Variants in DCDC2 observed in about 807,000 individuals in gnomAD.
The protein encoded by DCDC2 is doublecortin domain containing 2.
In DCDC2, 40 loss-of-function variants were observed where a neutral mutation model predicts 50.2. That is an observed-to-expected ratio of 0.80 (90% CI 0.62 to 1.04). DCDC2 has a LOEUF of 1.04. Ranked by LOEUF, DCDC2 falls within the 50% of genes least tolerant of loss-of-function variation. The probability of loss-of-function intolerance (pLI) is 0.00; values close to 1 mark genes in which losing one functional copy is unlikely to be tolerated. For synonymous variants in DCDC2, 234 were observed against 210.6 expected (o/e 1.11, Z -0.96); for missense variants, 570 against 581.9 (o/e 0.98, Z 0.21).
intron 7 of DCDC2, among the ~76,000 whole-genome samples, chr6:24,224,942 T>G (rs12190202): frequency 0.12 from 18,621 of 152,228 alleles, 1,278 homozygotes; most frequent in African/African-American, 0.17. Context: ...CTTTATATCC[T>G]TAGCATCTAA....
intron 2 of DCDC2, among the ~76,000 whole-genome samples, chr6:24,311,364 T>C (rs1222247110): frequency 6.6e-6 from 1 of 152,240 alleles, no homozygotes; most frequent in African/African-American, 2.4e-5. Context: ...CATATTTATT[T>C]GTTTTCTTAG....
At chr6:24,357,320 T>G (rs1245072712) in intron 1 of DCDC2, 138 bp downstream of exon 1, 2 of 1,029,144 alleles carry the variant, frequency 1.9e-6, no homozygotes, top group Admixed American at 5.9e-5. Flanking sequence ...AACGAGAGTT[T>G]TGAGGGGCAT....
intron 7 of DCDC2, among the ~76,000 whole-genome samples, chr6:24,218,675 G>C (rs944114783): frequency 6.6e-6 from 1 of 152,150 alleles, no homozygotes; most frequent in African/African-American, 2.4e-5. Flanking sequence ...TTTTTGTAGA[G>C]ATGAGGTCTC....
intron 4 of DCDC2, among the ~76,000 whole-genome samples, chr6:24,292,095 G>A (rs1238120840): frequency 6.6e-6 from 1 of 151,970 alleles, no homozygotes; most frequent in Non-Finnish European, 1.5e-5. Flanking sequence ...TAAAACTGCT[G>A]CTACGAGCTA....
intron 7 of DCDC2, among the ~76,000 whole-genome samples, chr6:24,259,296 G>A (rs552878338): frequency 8.5e-5 from 13 of 152,312 alleles, no homozygotes; most frequent in East Asian, 1.9e-4. Context: ...TAAAGAGGCC[G>A]TTGAGAATGT....
chr6:24,334,216 G>A (rs527379674), intron 2 of DCDC2, among the ~76,000 whole-genome samples: 1 of 152,278 alleles, frequency 6.6e-6, no homozygotes, highest in South Asian at 2.1e-4. Flanking sequence ...TACATAGAGA[G>A]TCAAATGAAA....
At chr6:24,358,914 A>ATATATAT (rs1229637570), upstream of DCDC2, among the ~76,000 whole-genome samples, 346 of 35,966 alleles carry the variant, frequency 9.6e-3, 16 homozygotes, top group African/African-American at 0.034. Flanking sequence ...ATTATATATT[A>ATATATAT]TATATATTAT....
chr6:24,219,246 A>T (rs1280992462), intron 7 of DCDC2, among the ~76,000 whole-genome samples: 1 of 152,266 alleles, frequency 6.6e-6, no homozygotes, highest in Non-Finnish European at 1.5e-5. Context: ...ATTTACCTAC[A>T]GCAAGATATA....
chr6:24,190,422 T>C (rs1335608522), intron 8 of DCDC2, among the ~76,000 whole-genome samples: 1 of 152,144 alleles, frequency 6.6e-6, no homozygotes, highest in Admixed American at 6.6e-5. Context: ...GAGATATACC[T>C]AATGTAAATG....
chr6:24,339,468 G>T (rs1760116517), intron 2 of DCDC2, among the ~76,000 whole-genome samples: 1 of 152,038 alleles, frequency 6.6e-6, no homozygotes, highest in Non-Finnish European at 1.5e-5. Flanking sequence ...TTTGATGAAA[G>T]AATTTGTGAT....
chr6:24,180,645 T>C (rs1454820670), intron 8 of DCDC2, among the ~76,000 whole-genome samples: 8 of 152,104 alleles, frequency 5.3e-5, no homozygotes, highest in East Asian at 1.9e-4. Flanking sequence ...ATCTCATTAT[T>C]GCCTCTTTCT....
chr6:24,344,445 C>T (rs1304400705), intron 2 of DCDC2, among the ~76,000 whole-genome samples: 2 of 152,188 alleles, frequency 1.3e-5, no homozygotes, highest in Non-Finnish European at 2.9e-5. Context: ...AAATAAAAAA[C>T]TATACATGCT....
intron 9 of DCDC2, among the ~76,000 whole-genome samples, chr6:24,177,154 A>G (rs946921471): frequency 6.6e-6 from 1 of 152,218 alleles, no homozygotes; most frequent in Admixed American, 6.5e-5. Context: ...GAAACCTACT[A>G]TTACAGGTGC....
chr6:24,288,338 C>T (rs756931760), intron 6 of DCDC2, among the ~76,000 whole-genome samples: 7 of 152,162 alleles, frequency 4.6e-5, no homozygotes, highest in African/African-American at 1.2e-4. Flanking sequence ...TAAATGCTGT[C>T]GTTACTCCCA....
At chr6:24,279,807 T>C (rs1763433635) in intron 6 of DCDC2, among the ~76,000 whole-genome samples, 1 of 152,208 alleles carries the variant, frequency 6.6e-6, no homozygotes, top group Non-Finnish European at 1.5e-5. Context: ...TAAGCCTCAG[T>C]TTCCTCATCA....
At chr6:24,229,662 C>A (rs1044195157) in intron 7 of DCDC2, among the ~76,000 whole-genome samples, 12 of 152,138 alleles carry the variant, frequency 7.9e-5, no homozygotes, top group Non-Finnish European at 2.9e-5. Flanking sequence ...GGGAGCTGCC[C>A]CTTCAGAATG....
At chr6:24,237,009 C>CAAAA (rs34576545) in intron 7 of DCDC2, among the ~76,000 whole-genome samples, 1 of 143,922 alleles carries the variant, frequency 6.9e-6, no homozygotes. Flanking sequence ...AGCTCTGACT[C>CAAAA]AAAAAAAAAA....
intron 6 of DCDC2, among the ~76,000 whole-genome samples, chr6:24,284,220 A>G (rs556314615): frequency 2.6e-5 from 4 of 152,294 alleles, no homozygotes; most frequent in Admixed American, 2.0e-4. Context: ...GGACTCACCT[A>G]TATCACATAC....
chr6:24,232,008 C>T (rs201372462), intron 7 of DCDC2, among the ~76,000 whole-genome samples: 17,473 of 93,018 alleles, frequency 0.19, 1,245 homozygotes, highest in East Asian at 0.44. Flanking sequence ...TATATATACA[C>T]ACACACACAC....
Sources: gnomAD v4.1 joint callset for allele counts (sites outside exome capture counted in the v4.1 genomes callset) on GRCh38, gnomAD v4.1.1 for gene constraint, MANE v1.5 for transcripts, NCBI Gene and HGNC (gene_info 2026-07-23, HGNC 2026-07-21) for gene names.